Variants in UHMK1 observed in about 807,000 individuals in gnomAD.
The protein encoded by UHMK1 is serine/threonine-protein kinase Kist.
A neutral mutation model predicts 44.0 loss-of-function variants in UHMK1; 18 were observed. The ratio of observed to expected loss-of-function variants is 0.41; its 90% CI spans 0.28 to 0.61. The LOEUF is 0.61. UHMK1 is among the 20% of genes least tolerant of loss of function. UHMK1 has a pLI of 0.31. For synonymous variants in UHMK1, 231 were observed against 198.5 expected (o/e 1.16, Z -1.38); for missense variants, 463 against 522.5 (o/e 0.89, Z 1.11).
chr1:162,507,580 TC>T (rs1651516489), intron 4 of UHMK1, among the ~76,000 whole-genome samples: 2 of 118,342 alleles, frequency 1.7e-5, no homozygotes, highest in African/African-American at 5.9e-5. Context: ...ACCCATTCTT[TC>T]TTTTTTTTTT....
At chr1:162,512,945 A>G in intron 6 of UHMK1, 122 bp downstream of exon 6, 5 of 985,724 alleles carry the variant, frequency 5.1e-6, no homozygotes, top group Non-Finnish European at 7.5e-6. Context: ...TATGATCTCT[A>G]ATATACTCTC....
At position 162,500,919 on chromosome 1, in the gene UHMK1, A is replaced by C; in HGVS notation, c.568A>C (p.Lys190Gln). 1 of 1,611,972 alleles carries C rather than the reference A, an allele frequency of 6.2e-7. No individual in the cohort carries two copies. Among genetic ancestry groups the C allele is most frequent in the Non-Finnish European group, 8.5e-7 (1 of 1,179,148 alleles). The change falls in exon 3 of 8, where the codon AAG becomes CAG. Residue 190 changes from lysine (K) to glutamine (Q), a missense_variant. Lys to Gln is a moderately conservative substitution (Grantham distance 53). This residue lies in a region of UHMK1 where 264 missense variants were observed against 326.3 expected (regional missense o/e 0.81). Transcript: ENST00000489294. ...ATTTACTCATCTTTTTTAGGATGTAAAGTATATTCAGACAGACGGGTATCG... is the reference window on the plus strand; with the variant it reads ...ATTTACTCATCTTTTTTAGGATGTACAGTATATTCAGACAGACGGGTATCG... ...LSFKEGNQDVKYIQTDGYRAP... is the reference protein window; with the variant it reads ...LSFKEGNQDVQYIQTDGYRAP...
At chr1:162,500,401 C>T (rs2342714) in intron 2 of UHMK1, 154 bp downstream of exon 2, 433,774 of 918,118 alleles carry the variant, frequency 0.47, 102,147 homozygotes, top group East Asian at 0.5. Context: ...AAAAGAATTT[C>T]AGTGCCACCG....
At chr1:162,516,676 AT>A (rs1378571040) in intron 6 of UHMK1, among the ~76,000 whole-genome samples, 5 of 152,120 alleles carry the variant, frequency 3.3e-5, no homozygotes, top group East Asian at 1.9e-4. Context: ...AAGAAAAAAT[AT>A]TTATAGTTTA....
chr1:162,516,989 G>T (rs961204698), intron 6 of UHMK1, among the ~76,000 whole-genome samples: 1 of 152,204 alleles, frequency 6.6e-6, no homozygotes, highest in Non-Finnish European at 1.5e-5. Flanking sequence ...TCTATTTCTA[G>T]AATGTCAACT....
chr1:162,508,610 G>A (rs1204650455), intron 4 of UHMK1, among the ~76,000 whole-genome samples: 1 of 151,746 alleles, frequency 6.6e-6, no homozygotes, highest in African/African-American at 2.4e-5. Flanking sequence ...GCTGAGGCAG[G>A]AGGATCGATT....
chr1:162,500,016 G>A lies in UHMK1; in HGVS notation c.330G>A (p.Leu110=). Residue 110 remains leucine (L), a synonymous_variant, in exon 2 of 8, where the codon TTG becomes TTA. Transcript: ENST00000489294. ...FSPNVPSRCL[L]LELLDVSVSE... is the part of the protein sequence containing the mutation. ...CAAATGTGCCATCACGCTGTCTGTTGCTTGAACTCCTGGATGTCAGTGTTT... is the reference window on the plus strand; with the variant it reads ...CAAATGTGCCATCACGCTGTCTGTTACTTGAACTCCTGGATGTCAGTGTTT... 6.2e-7 allele frequency: 1 copy of A among 1,614,178 alleles called. No individual in the cohort carries two copies. The highest frequency in any genetic ancestry group is 8.5e-7 in the Non-Finnish European group (1 of 1,180,034).
chr1:162,520,522 G>A (rs958894492), intron 7 of UHMK1, among the ~76,000 whole-genome samples: 3 of 152,166 alleles, frequency 2.0e-5, no homozygotes, highest in Non-Finnish European at 4.4e-5. Context: ...GCTGGGGTAG[G>A]TAGGGTGGGT....
At chr1:162,514,099 A>G (rs1314539285) in intron 6 of UHMK1, among the ~76,000 whole-genome samples, 1 of 152,158 alleles carries the variant, frequency 6.6e-6, no homozygotes, top group Non-Finnish European at 1.5e-5. Flanking sequence ...TACTAGAGAG[A>G]CAATTTTGTG....
At chr1:162,502,432 A>G (rs1008097521) in intron 3 of UHMK1, among the ~76,000 whole-genome samples, 4 of 152,178 alleles carry the variant, frequency 2.6e-5, no homozygotes, top group African/African-American at 9.7e-5. Context: ...CTTTCTTGGG[A>G]GTAAAATCAG....
intron 3 of UHMK1, among the ~76,000 whole-genome samples, chr1:162,501,917 A>T (rs1346032726): frequency 6.9e-6 from 1 of 145,206 alleles, no homozygotes; most frequent in African/African-American, 2.6e-5. Flanking sequence ...GTGAGACCCC[A>T]GTCTCTAGTA....
chr1:162,498,364 C>T (rs1651142157), intron 1 of UHMK1, 96 bp downstream of exon 1: 1 of 1,412,750 alleles, frequency 7.1e-7, no homozygotes, highest in Non-Finnish European at 9.5e-7. Flanking sequence ...TCCCCTTCTG[C>T]GGGAGAAGCG....
chr1:162,521,418 A>T (rs1652055168), intron 7 of UHMK1, among the ~76,000 whole-genome samples: 1 of 149,718 alleles, frequency 6.7e-6, no homozygotes, highest in Non-Finnish European at 1.5e-5. Flanking sequence ...AGAATCAGGT[A>T]AAAAAAAAAT....
chr1:162,503,875 T>A (rs562868369), intron 4 of UHMK1, 27 bp downstream of exon 4: 1 of 1,574,672 alleles, frequency 6.4e-7, no homozygotes, highest in Non-Finnish European at 8.7e-7. Context: ...ATAAACTTGC[T>A]TTGCATTCAT....
chr1:162,500,610 C>T, intron 2 of UHMK1: 1 of 405,980 alleles, frequency 2.5e-6, no homozygotes, highest in Non-Finnish European at 4.4e-6. Context: ...GATAGTTCTG[C>T]CAAATCCTCT....
chr1:162,498,346 C>T lies in UHMK1; in HGVS notation c.268+78C>T. ...CTCTTCCTCTCGCTGTCTGGCGTTCCATCTTCCTCCCCTTCTGCGGGAGAA... is the reference window on the plus strand; with the variant it reads ...CTCTTCCTCTCGCTGTCTGGCGTTCTATCTTCCTCCCCTTCTGCGGGAGAA... On this transcript the variant is annotated intron_variant, in intron 1 of 7. Transcript: ENST00000489294. The T allele has an allele frequency of 2.0e-6, 3 of 1,486,134 alleles. No homozygotes were observed. The South Asian group carries it at 4.1e-5, about 20-fold the overall frequency. 92.1% of individuals were successfully genotyped at this position (1,486,134 alleles called of 1,614,324 possible).
rs1453180859 is a variant in UHMK1 at position 162,497,965 on chromosome 1, C to A, written c.-36C>A. On this transcript the variant is annotated 5_prime_UTR_variant, in exon 1 of 8. Coordinates refer to ENST00000489294, the MANE Select transcript of UHMK1 (RefSeq NM_175866.5). The stretch of plus-strand genomic sequence containing the variant: ...CCCGGCCGGCCTGCCTCAGGCGTCG[C>A]GTCAGCTCCCGTGTCCGTGCCCTTA... 3 of 1,460,732 alleles carry A rather than the reference C, an allele frequency of 2.1e-6. No homozygotes were observed. Among genetic ancestry groups the A allele is most frequent in the Admixed American group, 2.5e-5 (1 of 39,454 alleles). The allele number at this position is 1,460,732 out of a possible 1,614,324, so 90.5% of individuals were successfully genotyped here. A position where few individuals can be genotyped will look rare whatever the true frequency, so the allele number is the denominator to read the frequency against.
chr1:162,498,476 A>G (rs1017866968), intron 1 of UHMK1, among the ~76,000 whole-genome samples: 3 of 152,206 alleles, frequency 2.0e-5, no homozygotes, highest in African/African-American at 7.2e-5. Context: ...CAGGTGTCAC[A>G]TAGATGCTCA....
At chr1:162,499,845 C>T (rs1177107638) in intron 1 of UHMK1, 110 bp from the exon 2 acceptor site, 6 of 989,114 alleles carry the variant, frequency 6.1e-6, no homozygotes, top group African/African-American at 1.6e-5. Flanking sequence ...GAAGCTTGCT[C>T]ATCAAAGTTA....
Sources: gnomAD v4.1 joint callset for allele counts (sites outside exome capture counted in the v4.1 genomes callset) on GRCh38, gnomAD v4.1.1 for gene constraint, gnomAD v4.1.1 regional missense constraint, MANE v1.5 for transcripts, NCBI Gene and HGNC (gene_info 2026-07-23, HGNC 2026-07-21) for gene names.